CREB5: variants seen among roughly 807,000 people sequenced by gnomAD.
CREB5 encodes the protein cAMP responsive element binding protein 5.
A neutral mutation model predicts 57.1 loss-of-function variants in CREB5; 19 were observed. The observed-to-expected ratio is 0.33, with a 90% CI of 0.23 to 0.49. The LOEUF (loss-of-function observed/expected upper bound fraction) is 0.49. CREB5 is among the 20% of genes least tolerant of loss of function. The probability of loss-of-function intolerance (pLI) is 0.99; values close to 1 mark genes in which losing one functional copy is unlikely to be tolerated. For synonymous variants in CREB5, 238 were observed against 238.3 expected (o/e 1.00, Z 0.01); for missense variants, 579 against 671.6 (o/e 0.86, Z 1.52).
chr7:28,511,258 G>A (rs1455693568), intron 4 of CREB5, among the ~76,000 whole-genome samples: 6 of 151,936 alleles, frequency 3.9e-5, no homozygotes, highest in African/African-American at 1.5e-4. Context: ...GACCCAAAGT[G>A]GGAGGAGGTC....
chr7:28,596,637 G>A (rs1208295014), intron 5 of CREB5, among the ~76,000 whole-genome samples: 1 of 152,264 alleles, frequency 6.6e-6, no homozygotes, highest in Admixed American at 6.5e-5. Flanking sequence ...AGCTAGACCT[G>A]GGTCCAAGCC....
chr7:28,782,641 C>A (rs1442560407), intron 7 of CREB5, among the ~76,000 whole-genome samples: 2 of 152,008 alleles, frequency 1.3e-5, no homozygotes, highest in Non-Finnish European at 2.9e-5. Context: ...TTCAACTCAA[C>A]AATAGACACT....
intron 1 of CREB5, among the ~76,000 whole-genome samples, chr7:28,404,279 A>G (rs1274804555): frequency 6.6e-6 from 1 of 152,084 alleles, no homozygotes; most frequent in Non-Finnish European, 1.5e-5. Context: ...TGCAGGTAAG[A>G]TAGGGTTCTT....
At chr7:28,419,164 T>C (rs1262560571) in intron 1 of CREB5, among the ~76,000 whole-genome samples, 1 of 152,230 alleles carries the variant, frequency 6.6e-6, no homozygotes, top group Non-Finnish European at 1.5e-5. Context: ...TGTGATTGAC[T>C]GTTAAAAGTA....
intron 5 of CREB5, among the ~76,000 whole-genome samples, chr7:28,575,654 TG>T (rs1795882010): frequency 6.6e-6 from 1 of 152,200 alleles, no homozygotes. Context: ...GAAGCCCCTT[TG>T]AGTAATGCAG....
chr7:28,607,952 C>A (rs987678337), intron 5 of CREB5, among the ~76,000 whole-genome samples: 6 of 152,110 alleles, frequency 3.9e-5, no homozygotes, highest in African/African-American at 1.4e-4. Flanking sequence ...GAAACAAACA[C>A]TGAACAGCGC....
intron 5 of CREB5, among the ~76,000 whole-genome samples, chr7:28,696,530 G>C (rs1022919502): frequency 6.6e-6 from 1 of 152,078 alleles, no homozygotes; most frequent in Non-Finnish European, 1.5e-5. Context: ...TTCCAGCCAC[G>C]TGATCTTTAA....
intron 1 of CREB5, among the ~76,000 whole-genome samples, chr7:28,308,255 T>C (rs1785221545): frequency 6.6e-6 from 1 of 152,224 alleles, no homozygotes; most frequent in South Asian, 2.1e-4. Context: ...AGTCTTTATA[T>C]GGCTTAGTCC....
At chr7:28,658,961 A>ATATATATATATGTG (rs1799459339) in intron 5 of CREB5, among the ~76,000 whole-genome samples, 1 of 136,824 alleles carries the variant, frequency 7.3e-6, no homozygotes, top group African/African-American at 2.6e-5. Context: ...GTGTATATAT[A>ATATATATATATGTG]TATATATATA....
At chr7:28,328,993 G>A (rs1459985176) in intron 1 of CREB5, among the ~76,000 whole-genome samples, 1 of 152,224 alleles carries the variant, frequency 6.6e-6, no homozygotes, top group African/African-American at 2.4e-5. Context: ...CTTTCTGAGA[G>A]GTATGTGTCA....
At chr7:28,602,121 T>TTATA (rs1554273561) in intron 5 of CREB5, among the ~76,000 whole-genome samples, 2 of 151,916 alleles carry the variant, frequency 1.3e-5, no homozygotes, top group African/African-American at 4.8e-5. Context: ...ATTTGGGCTA[T>TTATA]TTTATTTATT....
At chr7:28,560,867 T>TGCGTGCGC (rs1562797350) in intron 4 of CREB5, among the ~76,000 whole-genome samples, 10 of 22,046 alleles carry the variant, frequency 4.5e-4, no homozygotes, top group Non-Finnish European at 7.3e-4. Context: ...TGCGTGTGCC[T>TGCGTGCGC]GCGTGCGCGT....
At chr7:28,430,302 C>A (rs1276032609) in intron 1 of CREB5, among the ~76,000 whole-genome samples, 4 of 152,188 alleles carry the variant, frequency 2.6e-5, no homozygotes, top group Admixed American at 2.0e-4. Flanking sequence ...TCAAGCTGAG[C>A]ATTTACAGTG....
chr7:28,368,402 A>G (rs1211729395), intron 1 of CREB5, among the ~76,000 whole-genome samples: 2 of 152,238 alleles, frequency 1.3e-5, no homozygotes, highest in Admixed American at 6.5e-5. Context: ...ATTAATTAAT[A>G]TAGAAAAAAG....
intron 1 of CREB5, among the ~76,000 whole-genome samples, chr7:28,439,639 C>A (rs914015646): frequency 6.6e-6 from 1 of 152,114 alleles, no homozygotes; most frequent in East Asian, 1.9e-4. Context: ...AGGATTTGAA[C>A]CTGTGCAGTC....
At chr7:28,638,034 A>G (rs1798492935) in intron 5 of CREB5, among the ~76,000 whole-genome samples, 2 of 152,164 alleles carry the variant, frequency 1.3e-5, no homozygotes, top group South Asian at 4.1e-4. Context: ...CTCGTTAGCT[A>G]CAGAGACTCT....
chr7:28,501,414 G>A (rs530101802), intron 3 of CREB5, among the ~76,000 whole-genome samples: 7 of 152,230 alleles, frequency 4.6e-5, no homozygotes, highest in East Asian at 1.9e-4. Flanking sequence ...GGAGTTGTCC[G>A]TTTCTCGTCC....
At chr7:28,612,543 G>GTGT (rs1797431130) in intron 5 of CREB5, among the ~76,000 whole-genome samples, 2 of 137,298 alleles carry the variant, frequency 1.5e-5, no homozygotes, top group African/African-American at 2.7e-5. Context: ...TTAGAGAAGG[G>GTGT]GTGTGTGTGT....
intron 5 of CREB5, among the ~76,000 whole-genome samples, chr7:28,633,387 G>GTC (rs1170177397): frequency 1.3e-5 from 2 of 152,070 alleles, no homozygotes; most frequent in African/African-American, 4.8e-5. Flanking sequence ...GTGTGTGTGT[G>GTC]TGTGTCTGTG....
Sources: gnomAD v4.1 joint callset for allele counts (sites outside exome capture counted in the v4.1 genomes callset) on GRCh38, gnomAD v4.1.1 for gene constraint, MANE v1.5 for transcripts, NCBI Gene and HGNC (gene_info 2026-07-23, HGNC 2026-07-21) for gene names.